NCKAP5: variants seen among roughly 807,000 people sequenced by gnomAD.
The protein encoded by NCKAP5 is nck-associated protein 5.
Under a neutral mutation model 167.0 loss-of-function variants are expected in NCKAP5, and 92 were observed. The observed-to-expected ratio is 0.55, with a 90% confidence interval of 0.47 to 0.66. NCKAP5 has a LOEUF of 0.66. NCKAP5 is among the 30% of genes least tolerant of loss of function. The pLI is 0.00. For missense variants in NCKAP5, 2,378 were observed against 2,315.0 expected (o/e 1.03, Z -0.56); for synonymous variants, 891 against 877.4 (o/e 1.02, Z -0.27).
At chr2:133,545,404 A>G (rs1209050189) in intron 2 of NCKAP5, among the ~76,000 whole-genome samples, 2 of 152,128 alleles carry the variant, frequency 1.3e-5, no homozygotes, top group Non-Finnish European at 2.9e-5. Context: ...GTTTGCGCAG[A>G]TTTAGGAAGC....
intron 5 of NCKAP5, among the ~76,000 whole-genome samples, chr2:133,152,451 T>C (rs2083416084): frequency 6.6e-6 from 1 of 152,236 alleles, no homozygotes; most frequent in Non-Finnish European, 1.5e-5. Context: ...AATGCATTAA[T>C]AAACTTGAGT....
In NCKAP5 at chr2:132,781,155, C is replaced by A; in HGVS notation, c.4946G>T (p.Ser1649Ile). The A allele has an allele frequency of 1.2e-6, 2 of 1,613,880 alleles. No individual in the cohort carries two copies. Among genetic ancestry groups the A allele is most frequent in the Non-Finnish European group, 1.7e-6 (2 of 1,179,842 alleles). Residue 1649 changes from serine to isoleucine, a missense_variant, in exon 15 of 20, where the codon AGT becomes ATT. This residue lies in a region of NCKAP5 where 1,325 missense variants were observed against 1,274.5 expected (regional missense o/e 1.04). Coordinates refer to ENST00000409261, the MANE Select transcript of NCKAP5 (RefSeq NM_207363.3). ...GCCGATGAGACAGGAGCCCTGAGAACTGCCCTTTAACACATTCCTGCAGGA... is the reference window on the plus strand; with the variant it reads ...GCCGATGAGACAGGAGCCCTGAGAAATGCCCTTTAACACATTCCTGCAGGA... ...NASCRNVLKG[S>I]SQGSCLIGSS...
intron 3 of NCKAP5, among the ~76,000 whole-genome samples, chr2:133,481,580 C>T (rs960477453): frequency 1.3e-5 from 2 of 152,158 alleles, no homozygotes; most frequent in Non-Finnish European, 2.9e-5. Flanking sequence ...CCTCTCCCTC[C>T]TCCCATCCTC....
chr2:133,624,369 TC>T, the NCKAP5 span, among the ~76,000 whole-genome samples: 7 of 152,124 alleles, frequency 4.6e-5, no homozygotes, highest in African/African-American at 1.7e-4. Flanking sequence ...CGAGTTCTGT[TC>T]CTCACGTCTC....
chr2:133,038,495 G>A (rs1192181003), intron 6 of NCKAP5, among the ~76,000 whole-genome samples: 2 of 152,010 alleles, frequency 1.3e-5, no homozygotes, highest in African/African-American at 4.8e-5. Flanking sequence ...GCATTGGGAG[G>A]GTGGGGATGG....
At chr2:133,171,555 A>C (rs1375065683) in intron 5 of NCKAP5, among the ~76,000 whole-genome samples, 1 of 152,186 alleles carries the variant, frequency 6.6e-6, no homozygotes, top group Non-Finnish European at 1.5e-5. Context: ...AAAAGAAAGA[A>C]CTCAACTAGG....
In NCKAP5 at chr2:133,353,120, C is replaced by T. The variant is rs182142188; in HGVS notation, c.70-50010G>A. ...CACTAAATTCTCCATTAGAATACAG[C>T]TATTCACAAACTCAAGGGAAGTGAA... On this transcript the variant is annotated intron_variant, in intron 3 of 19. Transcript: ENST00000409261. 2.6e-5 allele frequency among the ~76,000 whole-genome samples: 4 copies of T among 152,276 alleles called. No individual in the cohort carries two copies. In the East Asian group the frequency reaches 7.7e-4, roughly 29 times the overall value.
At chr2:133,135,439 C>T (rs2082755809) in intron 5 of NCKAP5, among the ~76,000 whole-genome samples, 1 of 152,074 alleles carries the variant, frequency 6.6e-6, no homozygotes, top group African/African-American at 2.4e-5. Context: ...GGACCATGAA[C>T]ATGACATGAC....
chr2:133,535,091 T>G (rs1277328992), intron 2 of NCKAP5, among the ~76,000 whole-genome samples: 1 of 152,184 alleles, frequency 6.6e-6, no homozygotes, highest in African/African-American at 2.4e-5. Context: ...CTAATAATGT[T>G]CAGCATCTTT....
chr2:133,671,837 C>G, the NCKAP5 span, among the ~76,000 whole-genome samples: 1 of 152,170 alleles, frequency 6.6e-6, no homozygotes, highest in East Asian at 1.9e-4. Context: ...AAACATGCTG[C>G]CATGCCCTGT....
intron 19 of NCKAP5, among the ~76,000 whole-genome samples, chr2:132,694,728 A>G (rs1450998555): frequency 6.6e-6 from 1 of 152,194 alleles, no homozygotes; most frequent in Non-Finnish European, 1.5e-5. Flanking sequence ...ACAGTGTATG[A>G]CCAACGCCTC....
At chr2:133,136,308 G>T (rs2082784004) in intron 5 of NCKAP5, among the ~76,000 whole-genome samples, 1 of 152,174 alleles carries the variant, frequency 6.6e-6, no homozygotes. Flanking sequence ...ATATCAGTGG[G>T]TGGTAATACT....
intron 6 of NCKAP5, among the ~76,000 whole-genome samples, chr2:133,094,626 AC>A (rs1217519516): frequency 6.6e-6 from 1 of 152,200 alleles, no homozygotes; most frequent in African/African-American, 2.4e-5. Context: ...CATCCCTAGA[AC>A]TGTCAAGATG....
chr2:132,677,227 T>C (rs1684606133), intron 19 of NCKAP5, among the ~76,000 whole-genome samples: 1 of 152,128 alleles, frequency 6.6e-6, no homozygotes, highest in Non-Finnish European at 1.5e-5. Flanking sequence ...TTTTTTCAAC[T>C]ACACTTGGGA....
intron 6 of NCKAP5, among the ~76,000 whole-genome samples, chr2:133,005,261 T>C (rs189464600): frequency 4.6e-5 from 7 of 152,288 alleles, no homozygotes; most frequent in African/African-American, 1.4e-4. Flanking sequence ...TGTTCAGAGA[T>C]TGCCATAAAG....
intron 3 of NCKAP5, among the ~76,000 whole-genome samples, chr2:133,344,001 C>T (rs1322829431): frequency 6.6e-6 from 1 of 152,146 alleles, no homozygotes; most frequent in Non-Finnish European, 1.5e-5. Flanking sequence ...TGTGAAGAAG[C>T]AAAGTTGGGT....
chr2:132,971,973 A>G (rs1201282807), intron 7 of NCKAP5, among the ~76,000 whole-genome samples: 1 of 152,242 alleles, frequency 6.6e-6, no homozygotes, highest in Non-Finnish European at 1.5e-5. Context: ...AGCATAGAAC[A>G]TAAATCACTT....
At chr2:132,800,870 T>C (rs13389587) in intron 11 of NCKAP5, among the ~76,000 whole-genome samples, 97,203 of 151,968 alleles carry the variant, frequency 0.64, 32,381 homozygotes, top group East Asian at 0.9. Context: ...AAAATGCAGG[T>C]CAATCCCTTA....
intron 1 of NCKAP5, among the ~76,000 whole-genome samples, chr2:133,566,213 A>G (rs574353107): frequency 1.3e-4 from 16 of 118,988 alleles, no homozygotes; most frequent in African/African-American, 4.4e-4. Flanking sequence ...TCAATGAAAA[A>G]GTGAAGAGAA....
Sources: gnomAD v4.1 joint callset for allele counts (sites outside exome capture counted in the v4.1 genomes callset) on GRCh38, gnomAD v4.1.1 for gene constraint, gnomAD v4.1.1 regional missense constraint, MANE v1.5 for transcripts, NCBI Gene and HGNC (gene_info 2026-07-23, HGNC 2026-07-21) for gene names.